Variants in BACH2 observed in about 807,000 individuals in gnomAD.
BACH2 encodes BACH transcriptional regulator 2.
Under a neutral mutation model 61.8 loss-of-function variants are expected in BACH2, and 5 were observed. The observed-to-expected ratio is 0.08, with a 90% CI of 0.04 to 0.17. The LOEUF (loss-of-function observed/expected upper bound fraction) is 0.17. BACH2 is among the 10% of genes least tolerant of loss of function. The pLI, the probability that BACH2 is intolerant of heterozygous loss-of-function variation, is 1.00. For missense variants in BACH2, 824 were observed against 1,091.1 expected (o/e 0.76, Z 3.45); for synonymous variants, 446 against 440.1 (o/e 1.01, Z -0.17).
At chr6:89,941,113 C>A (rs930985763) in intron 7 of BACH2, among the ~76,000 whole-genome samples, 2 of 152,152 alleles carry the variant, frequency 1.3e-5, no homozygotes, top group Non-Finnish European at 2.9e-5. Context: ...TCAGATGCTG[C>A]AGGGTTAAGT....
At chr6:90,043,868 T>C (rs1483833934) in intron 5 of BACH2, among the ~76,000 whole-genome samples, 1 of 152,230 alleles carries the variant, frequency 6.6e-6, no homozygotes, top group African/African-American at 2.4e-5. Flanking sequence ...TCTCACAAAA[T>C]TGCTTATGTG....
chr6:90,150,528 G>C (rs1784778974), intron 4 of BACH2, among the ~76,000 whole-genome samples: 1 of 152,152 alleles, frequency 6.6e-6, no homozygotes, highest in Non-Finnish European at 1.5e-5. Flanking sequence ...ACTAACATGG[G>C]ATTCGATGTG....
chr6:90,110,184 T>A (rs1783106983), intron 4 of BACH2, among the ~76,000 whole-genome samples: 1 of 152,344 alleles, frequency 6.6e-6, no homozygotes, highest in African/African-American at 2.4e-5. Context: ...CACAGATACA[T>A]AGTTGGAAAT....
intron 5 of BACH2, among the ~76,000 whole-genome samples, chr6:90,075,874 A>G (rs1781452046): frequency 6.6e-6 from 1 of 152,150 alleles, no homozygotes. Context: ...CTAATTCCAG[A>G]GCACCTGGTA....
At chr6:90,046,365 C>T (rs1779778854) in intron 5 of BACH2, among the ~76,000 whole-genome samples, 1 of 152,196 alleles carries the variant, frequency 6.6e-6, no homozygotes. Context: ...AGACAAATGC[C>T]ATCAAGGACA....
chr6:90,227,797 T>C (rs1769964413), intron 3 of BACH2, among the ~76,000 whole-genome samples: 1 of 151,896 alleles, frequency 6.6e-6, no homozygotes, highest in Non-Finnish European at 1.5e-5. Flanking sequence ...ACTCCTGATA[T>C]ATCCCTTTAA....
rs978115866 is a variant in BACH2, at chr6:90,015,087, A to G, written c.-12-6231T>C. Among the ~76,000 whole-genome samples, 6 of 152,036 alleles carry G rather than the reference A, an allele frequency of 3.9e-5. No homozygotes were observed. The East Asian group carries it at 9.7e-4, about 25-fold the overall frequency. On this transcript the variant is annotated intron_variant, in intron 5 of 8. Transcript: ENST00000257749. The stretch of plus-strand genomic sequence containing the variant: ...GTGAGCCACCACACCCAGCCCATAT[A>G]TAGTTTTTAAAAATATTCCTTCTAA...
At chr6:90,213,151 G>A (rs1769414084) in intron 3 of BACH2, among the ~76,000 whole-genome samples, 1 of 152,182 alleles carries the variant, frequency 6.6e-6, no homozygotes, top group African/African-American at 2.4e-5. Flanking sequence ...AAGAAAGAAT[G>A]AGATGAGTGA....
chr6:90,140,330 G>GT (rs772939148), intron 4 of BACH2, among the ~76,000 whole-genome samples: 1 of 152,152 alleles, frequency 6.6e-6, no homozygotes, highest in East Asian at 1.9e-4. Context: ...CAAACTAGCA[G>GT]TGTCTCCCAT....
At chr6:90,070,416 C>T (rs1781169881) in intron 5 of BACH2, among the ~76,000 whole-genome samples, 1 of 152,108 alleles carries the variant, frequency 6.6e-6, no homozygotes, top group Non-Finnish European at 1.5e-5. Context: ...TGGTTCCCTT[C>T]TTTTCACCCC....
At chr6:90,088,913 T>G (rs1782041055) in intron 5 of BACH2, 48 bp downstream of exon 5, 1 of 152,188 alleles carries the variant, frequency 6.6e-6, no homozygotes, top group Admixed American at 6.6e-5. Context: ...CCTAAGAAAA[T>G]ATTTATCATT....
intron 6 of BACH2, among the ~76,000 whole-genome samples, chr6:89,994,370 G>A (rs972672418): frequency 2.6e-5 from 4 of 152,148 alleles, no homozygotes; most frequent in Admixed American, 6.5e-5. Flanking sequence ...AAACATACAG[G>A]AATGCAAAGG....
chr6:90,274,884 A>G (rs1257903194), intron 1 of BACH2, among the ~76,000 whole-genome samples: 1 of 152,202 alleles, frequency 6.6e-6, no homozygotes, highest in Non-Finnish European at 1.5e-5. Context: ...CTGAAGCAGC[A>G]AATCCTCTGG....
intron 1 of BACH2, among the ~76,000 whole-genome samples, chr6:90,284,298 T>C (rs549151667): frequency 1.1e-4 from 16 of 152,290 alleles, no homozygotes; most frequent in African/African-American, 3.8e-4. Context: ...GAATTCCTGG[T>C]GACATCTGGG....
intron 4 of BACH2, among the ~76,000 whole-genome samples, chr6:90,181,840 G>A (rs1397437564): frequency 6.6e-6 from 1 of 152,026 alleles, no homozygotes; most frequent in African/African-American, 2.4e-5. Context: ...AAAGAAACTT[G>A]CCCCAAGTCC....
intron 5 of BACH2, among the ~76,000 whole-genome samples, chr6:90,045,308 A>T (rs566841181): frequency 5.3e-5 from 8 of 152,354 alleles, no homozygotes; most frequent in African/African-American, 1.7e-4. Flanking sequence ...AAGGTGTGTC[A>T]GCCTACTTCA....
chr6:90,209,503 T>C (rs1264205289), intron 3 of BACH2, among the ~76,000 whole-genome samples: 1 of 152,254 alleles, frequency 6.6e-6, no homozygotes, highest in Non-Finnish European at 1.5e-5. Context: ...TTTCAATGTA[T>C]GTATCCATCC....
intron 1 of BACH2, among the ~76,000 whole-genome samples, chr6:90,284,609 A>G (rs1420967936): frequency 1.3e-5 from 2 of 152,208 alleles, no homozygotes; most frequent in African/African-American, 4.8e-5. Flanking sequence ...AGATTTCTAA[A>G]CGATGAAATG....
chr6:90,296,320 C>G (rs1304607838), intron 1 of BACH2, among the ~76,000 whole-genome samples, 160 bp downstream of exon 1: 1 of 151,434 alleles, frequency 6.6e-6, no homozygotes, highest in African/African-American at 2.4e-5. Flanking sequence ...TAAAAGCGGG[C>G]AGGGCGCGGG....
Sources: gnomAD v4.1 joint callset for allele counts (sites outside exome capture counted in the v4.1 genomes callset) on GRCh38, gnomAD v4.1.1 for gene constraint, MANE v1.5 for transcripts, NCBI Gene and HGNC (gene_info 2026-07-23, HGNC 2026-07-21) for gene names.